PPP2R2B: variants seen among roughly 807,000 people sequenced by gnomAD.
PPP2R2B encodes the protein protein phosphatase 2 regulatory subunit Bbeta, also known as serine/threonine-protein phosphatase 2A 55 kDa regulatory subunit B beta isoform.
In PPP2R2B, 5 loss-of-function variants were observed where a neutral mutation model predicts 46.0. The ratio of observed to expected loss-of-function variants is 0.11; its 90% CI spans 0.06 to 0.23. PPP2R2B has a LOEUF of 0.23. Among genes scored for constraint, PPP2R2B ranks in the 10% least tolerant of loss-of-function variants. The pLI, the probability that PPP2R2B is intolerant of heterozygous loss-of-function variation, is 1.00. For synonymous variants in PPP2R2B, 215 were observed against 206.7 expected, an observed-to-expected ratio of 1.04 and a Z score of -0.34; for missense variants, 367 against 575.0, an observed-to-expected ratio of 0.64 and a Z score of 3.70.
intron 1 of PPP2R2B, among the ~76,000 whole-genome samples, chr5:146,995,234 C>A (rs1388315426): frequency 6.6e-6 from 1 of 152,138 alleles, no homozygotes. Context: ...CCATAGTAAT[C>A]AGTATTCATA....
intron 2 of PPP2R2B, among the ~76,000 whole-genome samples, chr5:147,068,037 T>C (rs1397843913): frequency 2.6e-5 from 4 of 152,154 alleles, no homozygotes; most frequent in African/African-American, 9.7e-5. Context: ...ATGGATCTGA[T>C]GGCCATTTTA....
chr5:146,892,740 A>C (rs1762527870), intron 1 of PPP2R2B, among the ~76,000 whole-genome samples: 2 of 152,230 alleles, frequency 1.3e-5, no homozygotes, highest in African/African-American at 4.8e-5. Flanking sequence ...AAAAAGCGTC[A>C]TGCTATAGCC....
intron 2 of PPP2R2B, among the ~76,000 whole-genome samples, chr5:146,716,371 GGCA>G (rs1780499242): frequency 6.7e-6 from 1 of 148,516 alleles, no homozygotes; most frequent in Non-Finnish European, 1.5e-5. Context: ...TTTCATTAAA[GGCA>G]GAATTCCTAT....
intron 1 of PPP2R2B, among the ~76,000 whole-genome samples, chr5:146,938,983 G>A (rs1764243060): frequency 6.6e-6 from 1 of 151,990 alleles, no homozygotes; most frequent in African/African-American, 2.4e-5. Context: ...GTTTCACCAT[G>A]TTGCCCAGGC....
intron 1 of PPP2R2B, among the ~76,000 whole-genome samples, chr5:147,002,893 G>C (rs2151870521): frequency 6.6e-6 from 1 of 151,784 alleles, no homozygotes; most frequent in East Asian, 1.9e-4. Context: ...AAACACTCAG[G>C]TATCAACAGG....
intron 2 of PPP2R2B, among the ~76,000 whole-genome samples, chr5:146,780,389 A>G (rs1458530415): frequency 1.3e-5 from 2 of 152,224 alleles, no homozygotes. Context: ...AAAATTGAGA[A>G]CCAATGTTTG....
intron 2 of PPP2R2B, among the ~76,000 whole-genome samples, chr5:147,070,272 G>A (rs1757547781): frequency 6.6e-6 from 1 of 152,044 alleles, no homozygotes; most frequent in African/African-American, 2.4e-5. Flanking sequence ...TGAATAAATG[G>A]ATGAATAAAA....
At chr5:146,739,944 G>C (rs753636075) in intron 2 of PPP2R2B, among the ~76,000 whole-genome samples, 40 of 152,212 alleles carry the variant, frequency 2.6e-4, no homozygotes, top group Non-Finnish European at 1.3e-4. Flanking sequence ...CCTTAACCTA[G>C]ATTCCTTGGA....
chr5:146,999,515 T>C (rs936724917), intron 1 of PPP2R2B, among the ~76,000 whole-genome samples: 1 of 152,184 alleles, frequency 6.6e-6, no homozygotes, highest in African/African-American at 2.4e-5. Context: ...TATTGGTCTT[T>C]TCCCAGGCTC....
At chr5:146,936,668 C>CA (rs1182483398) in intron 1 of PPP2R2B, among the ~76,000 whole-genome samples, 2 of 151,866 alleles carry the variant, frequency 1.3e-5, no homozygotes, top group East Asian at 3.9e-4. Context: ...CTCTCTGAGC[C>CA]AAAAAAAGAA....
intron 2 of PPP2R2B, among the ~76,000 whole-genome samples, chr5:146,854,985 T>G (rs947843267): frequency 3.3e-5 from 5 of 152,168 alleles, no homozygotes; most frequent in African/African-American, 1.2e-4. Flanking sequence ...ACTTCCATTT[T>G]TTTTCTCCCT....
intron 2 of PPP2R2B, among the ~76,000 whole-genome samples, chr5:146,718,722 G>T (rs1436490820): frequency 6.6e-6 from 1 of 152,184 alleles, no homozygotes; most frequent in African/African-American, 2.4e-5. Flanking sequence ...TCGAACACCA[G>T]AGACTGGGTG....
intron 1 of PPP2R2B, among the ~76,000 whole-genome samples, chr5:146,896,440 A>G (rs762901912): frequency 6.6e-6 from 1 of 152,188 alleles, no homozygotes; most frequent in Non-Finnish European, 1.5e-5. Flanking sequence ...TTCCACTTAC[A>G]TTTCTCTATG....
chr5:146,818,872 C>T (rs550939274), intron 2 of PPP2R2B, among the ~76,000 whole-genome samples: 17 of 152,186 alleles, frequency 1.1e-4, no homozygotes, highest in Non-Finnish European at 2.9e-5. Flanking sequence ...TTTGACTCCC[C>T]GATGTAAAGA....
chr5:146,876,712 G>T (rs904405749), intron 2 of PPP2R2B, among the ~76,000 whole-genome samples: 3 of 152,208 alleles, frequency 2.0e-5, no homozygotes, highest in African/African-American at 7.2e-5. Context: ...TGCTTTATCT[G>T]TCTAGCACCA....
intron 1 of PPP2R2B, among the ~76,000 whole-genome samples, chr5:146,992,863 T>C (rs890505598): frequency 1.3e-5 from 2 of 152,236 alleles, no homozygotes; most frequent in Non-Finnish European, 2.9e-5. Flanking sequence ...ATATTATATG[T>C]AGGATCAAGA....
intron 5 of PPP2R2B, among the ~76,000 whole-genome samples, chr5:146,666,526 CT>C (rs1420730327): frequency 6.6e-6 from 1 of 152,206 alleles, no homozygotes; most frequent in East Asian, 1.9e-4. Context: ...TTTCTCATTC[CT>C]GTGAGCTTAA....
chr5:146,966,377 G>A (rs1752408675), intron 1 of PPP2R2B, among the ~76,000 whole-genome samples: 1 of 152,172 alleles, frequency 6.6e-6, no homozygotes, highest in African/African-American at 2.4e-5. Context: ...TGCCCAGGGA[G>A]ATACTGGGGT....
At chr5:146,870,300 T>C (rs1761540200) in intron 2 of PPP2R2B, among the ~76,000 whole-genome samples, 1 of 152,140 alleles carries the variant, frequency 6.6e-6, no homozygotes, top group Admixed American at 6.5e-5. Context: ...TATTTGGAGA[T>C]AGGTCCTTTA....
Sources: gnomAD v4.1 joint callset for allele counts (sites outside exome capture counted in the v4.1 genomes callset) on GRCh38, gnomAD v4.1.1 for gene constraint, MANE v1.5 for transcripts, NCBI Gene and HGNC (gene_info 2026-07-23, HGNC 2026-07-21) for gene names.